The following CBX5 variants were observed in gnomAD, a reference collection of about 807,000 sequenced individuals.
CBX5 encodes chromobox protein homolog 5.
A neutral mutation model predicts 20.7 loss-of-function variants in CBX5; 7 were observed. That is an observed-to-expected ratio of 0.34 (90% confidence interval 0.19 to 0.63). The LOEUF is 0.63. Among genes scored for constraint, CBX5 ranks in the 30% least tolerant of loss-of-function variants. The pLI is 0.75. For synonymous variants in CBX5, 78 were observed against 77.0 expected, an observed-to-expected ratio of 1.01 and a Z score of -0.07; for missense variants, 110 against 224.1, an observed-to-expected ratio of 0.49 and a Z score of 3.25.
At chr12:54,266,662 T>C (rs766332225) in intron 1 of CBX5, among the ~76,000 whole-genome samples, 4 of 152,204 alleles carry the variant, frequency 2.6e-5, no homozygotes, top group Admixed American at 6.5e-5. Context: ...TACCAATATA[T>C]TACAAATGAA....
At chr12:54,243,428 G>A (rs1308675585) in intron 4 of CBX5, among the ~76,000 whole-genome samples, 1 of 152,116 alleles carries the variant, frequency 6.6e-6, no homozygotes, top group Non-Finnish European at 1.5e-5. Flanking sequence ...GGCCATGGTG[G>A]CATGCACCTG....
intron 4 of CBX5, among the ~76,000 whole-genome samples, chr12:54,242,145 A>C (rs1160263158): frequency 6.6e-6 from 1 of 152,220 alleles, no homozygotes; most frequent in African/African-American, 2.4e-5. Flanking sequence ...TGGTGGGCTT[A>C]GGTTAAAAAG....
intron 1 of CBX5, among the ~76,000 whole-genome samples, chr12:54,262,237 C>T (rs996014720): frequency 3.3e-5 from 5 of 152,174 alleles, no homozygotes; most frequent in African/African-American, 7.2e-5. Flanking sequence ...GCAATACTAA[C>T]ATTTTGGTGA....
intron 3 of CBX5, among the ~76,000 whole-genome samples, chr12:54,250,313 A>G (rs1943781894): frequency 1.3e-5 from 2 of 152,236 alleles, no homozygotes; most frequent in South Asian, 2.1e-4. Context: ...CAGAAGGCTG[A>G]AACAGGAGAA....
chr12:54,253,169 C>T (rs1371502915), intron 2 of CBX5, among the ~76,000 whole-genome samples: 3 of 151,988 alleles, frequency 2.0e-5, no homozygotes, highest in African/African-American at 7.3e-5. Flanking sequence ...GGCACAGTGG[C>T]TAACGCCTGT....
intron 1 of CBX5, among the ~76,000 whole-genome samples, chr12:54,271,620 G>C (rs1011958913): frequency 2.0e-5 from 3 of 152,190 alleles, no homozygotes; most frequent in African/African-American, 7.2e-5. Context: ...CACTGCACCT[G>C]GCTTGTTACT....
rs1376149742 is a variant in CBX5, at chr12:54,237,032, A to G, written c.*4723T>C. The G allele has an allele frequency of 6.6e-6, 1 of 152,248 alleles. No homozygotes were observed. Among genetic ancestry groups the G allele is most frequent in the Non-Finnish European group, 1.5e-5 (1 of 68,052 alleles). The allele number at this position is 152,248 out of a possible 1,614,324, so 9.4% of individuals were successfully genotyped here. A position where few individuals can be genotyped will look rare whatever the true frequency, so the allele number is the denominator to read the frequency against. ...ACAGGGACAGAACCAATCTTTCATT[A>G]ATGACACAAAGTAGAATGCACAAAG... is the stretch of plus-strand genomic sequence containing the variant. On this transcript the variant is annotated 3_prime_UTR_variant, in exon 5 of 5. Coordinates refer to ENST00000209875, the MANE Select transcript of CBX5 (RefSeq NM_012117.3).
In CBX5 at chr12:54,269,947, T is replaced by C. The variant is rs141435721; in HGVS notation, c.-43+10061A>G. On this transcript the variant is annotated intron_variant, in intron 1 of 4. Coordinates refer to ENST00000209875, the MANE Select transcript of CBX5 (RefSeq NM_012117.3). ...GAAGTTACTAACTTCAACTAAGACA[T>C]TGAATGTATTCGTATCGTTTTTCAA... Among the ~76,000 whole-genome samples, 397 of 152,316 alleles carry C rather than the reference T, an allele frequency of 2.6e-3. 8 individuals carry two copies. Among genetic ancestry groups the C allele is most frequent in the Admixed American group, 0.023 (359 of 15,304 alleles).
chr12:54,253,108 T>C (rs775314851), intron 2 of CBX5, among the ~76,000 whole-genome samples: 5 of 151,704 alleles, frequency 3.3e-5, no homozygotes, highest in South Asian at 2.1e-4. Context: ...TGGATCATAG[T>C]GGTGGTTGCA....
intron 2 of CBX5, among the ~76,000 whole-genome samples, chr12:54,253,780 T>G (rs1043770625): frequency 1.3e-5 from 2 of 151,340 alleles, no homozygotes; most frequent in African/African-American, 4.9e-5. Context: ...TTTTTTTTTT[T>G]GAGATGGAGT....
chr12:54,244,356 G>C (rs1943711689), intron 4 of CBX5, among the ~76,000 whole-genome samples: 1 of 151,834 alleles, frequency 6.6e-6, no homozygotes, highest in African/African-American at 2.4e-5. Context: ...TAGTGGCACT[G>C]CAACACAAAC....
chr12:54,256,997 G>A (rs1405227998), intron 2 of CBX5, among the ~76,000 whole-genome samples: 1 of 152,130 alleles, frequency 6.6e-6, no homozygotes, highest in Non-Finnish European at 1.5e-5. Context: ...TGGAGTAGCT[G>A]GGATTACAGG....
Position 54,239,328 on chromosome 12 carries a change from A to G in CBX5, c.*2427T>C, listed in dbSNP as rs1286493454. 1 of 152,186 alleles carries G rather than the reference A, an allele frequency of 6.6e-6. No individual in the cohort carries two copies. The highest frequency in any genetic ancestry group is 1.5e-5 in the Non-Finnish European group (1 of 68,032). 9.4% of individuals were successfully genotyped at this position (152,186 alleles called of 1,614,324 possible). On this transcript the variant is annotated 3_prime_UTR_variant, in exon 5 of 5. Transcript: ENST00000209875. Reference sequence around the variant, plus strand: ...TTCTCAGAACCAATCTCAGTACCAAATATTGTCATGTTCTTTGTCCACATA... The same window carrying G: ...TTCTCAGAACCAATCTCAGTACCAAGTATTGTCATGTTCTTTGTCCACATA...
chr12:54,270,087 C>T lies in CBX5; in HGVS notation c.-43+9921G>A, dbSNP rs146942234. ...TTATTGATCTTTTCAAAGAACTTTC[C>T]GTTTTTTTCTATTCTCTATTGTTCT... is the stretch of plus-strand genomic sequence containing the variant. On this transcript the variant is annotated intron_variant, in intron 1 of 4. Transcript: ENST00000209875. 1.9e-3 allele frequency among the ~76,000 whole-genome samples: 286 copies of T among 151,946 alleles called. 1 individual carries two copies. The East Asian group carries it at 0.029, about 16-fold the overall frequency.
At chr12:54,248,279 G>A (rs1218561351) in intron 3 of CBX5, among the ~76,000 whole-genome samples, 4 of 152,168 alleles carry the variant, frequency 2.6e-5, no homozygotes, top group Non-Finnish European at 5.9e-5. Context: ...GTGAGCCACC[G>A]CACCCGGCCC....
intron 1 of CBX5, among the ~76,000 whole-genome samples, chr12:54,260,090 T>G (rs1943901524): frequency 7.0e-6 from 1 of 142,280 alleles, no homozygotes; most frequent in Non-Finnish European, 1.5e-5. Context: ...AGACACTATA[T>G]AACTTTCCTT....
chr12:54,252,249 AT>A, intron 2 of CBX5, 22 bp from the exon 3 acceptor site: 1 of 1,532,528 alleles, frequency 6.5e-7, no homozygotes. Flanking sequence ...AAATGGGAAA[AT>A]TAAAAAAAAA....
chr12:54,240,011 A>G lies in CBX5; in HGVS notation c.*1744T>C, dbSNP rs1203082678. The G allele has an allele frequency of 6.6e-6, 1 of 152,226 alleles. No homozygotes were observed. Among genetic ancestry groups the G allele is most frequent in the Non-Finnish European group, 1.5e-5 (1 of 68,038 alleles). The allele number at this position is 152,226 out of a possible 1,614,324, so 9.4% of individuals were successfully genotyped here. On this transcript the variant is annotated 3_prime_UTR_variant, in exon 5 of 5. Coordinates refer to ENST00000209875, the MANE Select transcript of CBX5 (RefSeq NM_012117.3). ...AGAAATGGTAGATGCTCCTGGCCAG[A>G]CAGCTGTATGTTTTAAAAATCAAAA...
At chr12:54,257,384 G>T in intron 2 of CBX5, 130 bp downstream of exon 2, 2 of 837,836 alleles carry the variant, frequency 2.4e-6, no homozygotes, top group Non-Finnish European at 3.8e-6. Flanking sequence ...TTACTGCTGT[G>T]TCTTCTAACT....
Sources: gnomAD v4.1 joint callset for allele counts (sites outside exome capture counted in the v4.1 genomes callset) on GRCh38, gnomAD v4.1.1 for gene constraint, MANE v1.5 for transcripts, NCBI Gene and HGNC (gene_info 2026-07-23, HGNC 2026-07-21) for gene names.